Variants in NFKBIZ observed in about 807,000 individuals in gnomAD.
NFKBIZ encodes the protein NF-kappa-B inhibitor zeta.
A neutral mutation model predicts 76.8 loss-of-function variants in NFKBIZ; 19 were observed. The observed-to-expected ratio is 0.25, with a 90% CI of 0.17 to 0.36. The LOEUF (loss-of-function observed/expected upper bound fraction) is 0.36. Among genes scored for constraint, NFKBIZ ranks in the 10% least tolerant of loss-of-function variants. NFKBIZ has a pLI of 1.00. For synonymous variants in NFKBIZ, 368 were observed against 354.8 expected, an observed-to-expected ratio of 1.04 and a Z score of -0.42; for missense variants, 829 against 910.9, an observed-to-expected ratio of 0.91 and a Z score of 1.16.
chr3:101,855,862 T>C lies in NFKBIZ; in HGVS notation c.1784T>C (p.Ile595Thr), dbSNP rs1162324313. 58 of 1,612,388 alleles carry C rather than the reference T, an allele frequency of 3.6e-5. No individual in the cohort carries two copies. The highest frequency in any genetic ancestry group is 4.8e-5 in the Non-Finnish European group (57 of 1,179,594). Reference protein sequence around the residue: ...LLKNKSLVDTIKCLIQMGAAV... With the variant: ...LLKNKSLVDTTKCLIQMGAAV... Reference sequence around the variant, plus strand: ...AAGAATAAGAGTCTGGTTGATACCATTAAGTGCCTAATTCAAATGGGAGCA... The same window carrying C: ...AAGAATAAGAGTCTGGTTGATACCACTAAGTGCCTAATTCAAATGGGAGCA... Residue 595 changes from isoleucine to threonine, a missense_variant, in exon 9 of 12, where the codon ATT becomes ACT. Ile to Thr is a moderately conservative substitution (Grantham distance 89, BLOSUM62 -1). This residue lies in a region of NFKBIZ where 272 missense variants were observed against 384.2 expected (regional missense o/e 0.71). Coordinates refer to ENST00000326172, the MANE Select transcript of NFKBIZ (RefSeq NM_031419.4).
At chr3:101,855,496 AG>A (rs779581538) in intron 8 of NFKBIZ, 38 bp downstream of exon 8, 1 of 1,574,660 alleles carries the variant, frequency 6.4e-7, no homozygotes, top group Non-Finnish European at 8.7e-7. Flanking sequence ...AGAGCCACTT[AG>A]GGGGAACCAT....
chr3:101,857,680 A>G, intron 11 of NFKBIZ: 1 of 985,454 alleles, frequency 1.0e-6, no homozygotes, highest in Non-Finnish European at 1.2e-6. Flanking sequence ...AAATGGTTAG[A>G]GGTCAGGTAG....
intron 11 of NFKBIZ, 82 bp from the exon 12 acceptor site, chr3:101,859,236 G>A: frequency 9.5e-7 from 1 of 1,055,986 alleles, no homozygotes; most frequent in Non-Finnish European, 1.5e-6. Context: ...GATGGTATAA[G>A]AAAGGAATGA....
chr3:101,856,998 TG>T, intron 9 of NFKBIZ, 74 bp from the exon 10 acceptor site: 1 of 1,037,906 alleles, frequency 9.6e-7, no homozygotes. Flanking sequence ...TTCAGGAGAC[TG>T]GGTGAAAAGT....
chr3:101,847,773 G>C (rs1399906576), upstream of NFKBIZ, among the ~76,000 whole-genome samples: 1 of 152,140 alleles, frequency 6.6e-6, no homozygotes, highest in African/African-American at 2.4e-5. Flanking sequence ...CATTTTGTGG[G>C]GTATGGCTGT....
chr3:101,856,889 A>G (rs1943057094), intron 9 of NFKBIZ, 184 bp from the exon 10 acceptor site: 1 of 528,518 alleles, frequency 1.9e-6, no homozygotes, highest in African/African-American at 1.9e-5. Context: ...AATTAATAGG[A>G]AATTTAAGAG....
chr3:101,849,329 C>A (rs1436823682), upstream of NFKBIZ: 2 of 267,262 alleles, frequency 7.5e-6, no homozygotes, highest in Non-Finnish European at 1.4e-5. Context: ...CGGAGCCGGG[C>A]GGGCGGGGCG....
upstream of NFKBIZ, among the ~76,000 whole-genome samples, chr3:101,845,426 T>C (rs1371050383): frequency 4.0e-5 from 6 of 151,812 alleles, no homozygotes; most frequent in African/African-American, 1.2e-4. Flanking sequence ...CCCAAGTAGC[T>C]GGGACCACAG....
chr3:101,844,935 G>A (rs1257778522), upstream of NFKBIZ, among the ~76,000 whole-genome samples: 2 of 152,002 alleles, frequency 1.3e-5, no homozygotes, highest in Non-Finnish European at 2.9e-5. Flanking sequence ...GTTCCAAATT[G>A]TCTTTGGCTT....
chr3:101,834,302 T>G (rs1942685576), intron 2 of NFKBIZ, among the ~76,000 whole-genome samples: 1 of 151,864 alleles, frequency 6.6e-6, no homozygotes, highest in Admixed American at 6.6e-5. Flanking sequence ...GCCCTGCCCT[T>G]CCCTTACCTC....
At position 101,849,759 on chromosome 3, in the gene NFKBIZ, C is replaced by G; in HGVS notation, c.131C>G (p.Ala44Gly). ...YFYGASPPAAAPGACDASCSV... is the reference protein window; with the variant it reads ...YFYGASPPAAGPGACDASCSV... ...TACGGCGCGTCGCCGCCCGCCGCCG[C>G]CCCGGGCGCCTGCGACGCCAGCTGC... Residue 44 changes from alanine to glycine, a missense_variant, in exon 1 of 12, where the codon GCC (alanine) becomes GGC (glycine). This residue lies in a region of NFKBIZ where 181 missense variants were observed against 175.3 expected (regional missense o/e 1.03). Transcript: ENST00000326172. 1 of 1,452,788 alleles carries G rather than the reference C, an allele frequency of 6.9e-7. No individual in the cohort carries two copies. Among genetic ancestry groups the G allele is most frequent in the Non-Finnish European group, 9.0e-7 (1 of 1,107,912 alleles). 90.0% of individuals were successfully genotyped at this position (1,452,788 alleles called of 1,614,324 possible). A position where few individuals can be genotyped will look rare whatever the true frequency, so the allele number is the denominator to read the frequency against.
upstream of NFKBIZ, chr3:101,849,444 G>C (rs976596827): frequency 4.3e-5 from 18 of 420,930 alleles, no homozygotes; most frequent in Non-Finnish European, 7.1e-5. Context: ...GCCAATGGCC[G>C]GGCCGGGCGC....
upstream of NFKBIZ, among the ~76,000 whole-genome samples, chr3:101,845,347 G>A (rs1483558843): frequency 1.4e-5 from 2 of 147,248 alleles, no homozygotes; most frequent in Non-Finnish European, 3.0e-5. Flanking sequence ...AGGCTGGAGT[G>A]CAGTTGTATG....
intron 1 of NFKBIZ, among the ~76,000 whole-genome samples, chr3:101,829,235 G>A (rs1289306919): frequency 1.3e-5 from 2 of 152,194 alleles, no homozygotes; most frequent in Non-Finnish European, 2.9e-5. Flanking sequence ...GGAGCACTGC[G>A]GTGGCAGAGT....
At chr3:101,855,593 A>G (rs958539366) in intron 8 of NFKBIZ, 135 bp downstream of exon 8, 1 of 1,237,446 alleles carries the variant, frequency 8.1e-7, no homozygotes, top group Non-Finnish European at 1.1e-6. Context: ...AAAAAGAGAC[A>G]ATATTCAGAT....
Position 101,849,655 on chromosome 3 carries a change from C to T in NFKBIZ, c.27C>T (p.Asp9=). The T allele has an allele frequency of 1.4e-6, 2 of 1,398,768 alleles. No individual in the cohort carries two copies. The highest frequency in any genetic ancestry group is 1.6e-5 in the South Asian group (1 of 60,906). 86.6% of individuals were successfully genotyped at this position (1,398,768 alleles called of 1,614,324 possible). A position where few individuals can be genotyped will look rare whatever the true frequency, so the allele number is the denominator to read the frequency against. Residue 9 remains aspartate (D), a synonymous_variant, in exon 1 of 12, where the codon GAC becomes GAT. Transcript: ENST00000326172. ...TGATTGTGGACAAGCTGCTGGACGA[C>T]AGCCGCGGCGGAGAGGGGCTGCGGG... is the stretch of plus-strand genomic sequence containing the variant. MIVDKLLD[D]SRGGEGLRDA...
chr3:101,848,253 A>G (rs1280266020), upstream of NFKBIZ, among the ~76,000 whole-genome samples: 4 of 152,214 alleles, frequency 2.6e-5, no homozygotes, highest in Admixed American at 2.6e-4. Context: ...GCTCCACCCA[A>G]AGGCACCAAG....
chr3:101,857,918 G>A (rs599849), intron 11 of NFKBIZ: 511,996 of 843,220 alleles, frequency 0.61, 157,790 homozygotes, highest in Admixed American at 0.66. Context: ...AATTATTTCT[G>A]TCTATGAAGT....
chr3:101,855,483 T>C, intron 8 of NFKBIZ, 25 bp downstream of exon 8: 7 of 1,605,110 alleles, frequency 4.4e-6, no homozygotes, highest in Non-Finnish European at 6.0e-6. Context: ...CTTTATTAGA[T>C]TCAGAGCCAC....
Sources: gnomAD v4.1 joint callset for allele counts (sites outside exome capture counted in the v4.1 genomes callset) on GRCh38, gnomAD v4.1.1 for gene constraint, gnomAD v4.1.1 regional missense constraint, MANE v1.5 for transcripts, NCBI Gene and HGNC (gene_info 2026-07-23, HGNC 2026-07-21) for gene names.